ZRANB3: variants seen among roughly 807,000 people sequenced by gnomAD.
ZRANB3 encodes DNA annealing helicase and endonuclease ZRANB3.
ZRANB3 carries 125 observed loss-of-function variants against 133.8 expected under a neutral mutation model. The observed-to-expected ratio is 0.93, with a 90% confidence interval of 0.81 to 1.08. The LOEUF is 1.08. Among genes scored for constraint, ZRANB3 ranks in the 50% least tolerant of loss-of-function variants. The pLI, the probability that ZRANB3 is intolerant of heterozygous loss-of-function variation, is 0.00. For missense variants in ZRANB3, 1,229 were observed against 1,275.5 expected (o/e 0.96, Z 0.56); for synonymous variants, 387 against 432.7 (o/e 0.89, Z 1.31).
At chr2:135,331,451 T>C (rs1182616112) in intron 6 of ZRANB3, among the ~76,000 whole-genome samples, 1 of 152,188 alleles carries the variant, frequency 6.6e-6, no homozygotes, top group African/African-American at 2.4e-5. Flanking sequence ...TTCTTTTACA[T>C]TTGCTGAGGA....
At chr2:135,209,587 A>G (rs1320269563) in intron 17 of ZRANB3, among the ~76,000 whole-genome samples, 3 of 152,220 alleles carry the variant, frequency 2.0e-5, no homozygotes, top group African/African-American at 4.8e-5. Flanking sequence ...CTTATTACCC[A>G]ACACTAACAA....
At chr2:135,401,408 G>A (rs1462404862) in intron 2 of ZRANB3, among the ~76,000 whole-genome samples, 1 of 152,036 alleles carries the variant, frequency 6.6e-6, no homozygotes, top group Non-Finnish European at 1.5e-5. Flanking sequence ...GATAAAAACG[G>A]CCTTAGAAGT....
At chr2:135,366,986 A>G (rs1303654824) in intron 3 of ZRANB3, among the ~76,000 whole-genome samples, 1 of 152,062 alleles carries the variant, frequency 6.6e-6, no homozygotes, top group African/African-American at 2.4e-5. Flanking sequence ...ATGCCATTGC[A>G]CTCCAGCCTG....
At chr2:135,312,992 C>T (rs1443528969) in intron 8 of ZRANB3, among the ~76,000 whole-genome samples, 1 of 148,606 alleles carries the variant, frequency 6.7e-6, no homozygotes, top group Non-Finnish European at 1.5e-5. Flanking sequence ...TGCACACCAG[C>T]CTGGGCAAAA....
intron 1 of ZRANB3, among the ~76,000 whole-genome samples, chr2:135,525,848 CAAAAAAAA>C (rs557386914): frequency 1.5e-5 from 1 of 67,062 alleles, no homozygotes; most frequent in Admixed American, 1.5e-4. Context: ...AACTCTGTCT[CAAAAAAAA>C]AAAAAAAAAA....
intron 20 of ZRANB3, 103 bp from the exon 21 acceptor site, chr2:135,200,543 T>A: frequency 2.2e-6 from 2 of 922,462 alleles, no homozygotes; most frequent in Non-Finnish European, 3.3e-6. Flanking sequence ...CTACAGTCAC[T>A]ACACCCATTT....
intron 8 of ZRANB3, among the ~76,000 whole-genome samples, chr2:135,286,172 C>T (rs1242188364): frequency 6.6e-6 from 1 of 152,142 alleles, no homozygotes; most frequent in African/African-American, 2.4e-5. Context: ...GCACCCATCA[C>T]CTGGGCAGTG....
intron 8 of ZRANB3, among the ~76,000 whole-genome samples, chr2:135,287,336 T>C (rs1681427790): frequency 6.6e-6 from 1 of 152,232 alleles, no homozygotes; most frequent in African/African-American, 2.4e-5. Flanking sequence ...ACAGTACAGT[T>C]CAAAGTCATG....
chr2:135,448,872 G>A (rs192096279), intron 2 of ZRANB3, among the ~76,000 whole-genome samples: 113 of 152,292 alleles, frequency 7.4e-4, no homozygotes, highest in African/African-American at 2.6e-3. Flanking sequence ...AAAAATGGCT[G>A]CACCAATACT....
intron 16 of ZRANB3, among the ~76,000 whole-genome samples, 161 bp from the exon 17 acceptor site, chr2:135,217,768 T>G (rs1211525472): frequency 6.6e-6 from 1 of 152,222 alleles, no homozygotes; most frequent in Non-Finnish European, 1.5e-5. Flanking sequence ...GATGCAGTTT[T>G]CATATCTTTA....
At chr2:135,370,709 T>A (rs1686139165) in intron 3 of ZRANB3, among the ~76,000 whole-genome samples, 1 of 152,214 alleles carries the variant, frequency 6.6e-6, no homozygotes, top group African/African-American at 2.4e-5. Flanking sequence ...TTATGTATAT[T>A]CTCAGTTGTC....
At position 135,488,979 on chromosome 2, in the gene ZRANB3, G is replaced by T. The variant is rs182291445; in HGVS notation, c.161+15350C>A. Among the ~76,000 whole-genome samples the T allele has an allele frequency of 1.4e-3, 217 of 151,838 alleles. No homozygotes were observed. In the Middle Eastern group the frequency reaches 0.037, roughly 26 times the overall value. ...ATACAAAAATAGTGTCATATCAAAAGAAATCAATTACACACAAAAACAGTG... is the reference window on the plus strand; with the variant it reads ...ATACAAAAATAGTGTCATATCAAAATAAATCAATTACACACAAAAACAGTG... On this transcript the variant is annotated intron_variant, in intron 2 of 20. Coordinates refer to ENST00000264159, the MANE Select transcript of ZRANB3 (RefSeq NM_032143.4).
At chr2:135,248,220 T>C (rs546826518) in intron 12 of ZRANB3, among the ~76,000 whole-genome samples, 5 of 152,312 alleles carry the variant, frequency 3.3e-5, no homozygotes, top group South Asian at 4.1e-4. Context: ...TATCTGCTCA[T>C]TGGGTAGGTC....
At chr2:135,300,169 T>G (rs913872127) in intron 8 of ZRANB3, among the ~76,000 whole-genome samples, 3 of 152,216 alleles carry the variant, frequency 2.0e-5, no homozygotes, top group African/African-American at 7.2e-5. Flanking sequence ...ACTGCATACA[T>G]TTATGTATTT....
At chr2:135,258,818 G>A (rs1264009778) in intron 12 of ZRANB3, among the ~76,000 whole-genome samples, 1 of 152,160 alleles carries the variant, frequency 6.6e-6, no homozygotes, top group Non-Finnish European at 1.5e-5. Flanking sequence ...TTTTGGACAA[G>A]AGGGATTTAG....
chr2:135,424,132 C>CTA (rs1688973903), intron 2 of ZRANB3, among the ~76,000 whole-genome samples: 1 of 152,120 alleles, frequency 6.6e-6, no homozygotes, highest in East Asian at 1.9e-4. Flanking sequence ...GTCATTAGTA[C>CTA]CTTCAGAGAA....
intron 2 of ZRANB3, among the ~76,000 whole-genome samples, chr2:135,481,768 A>C (rs1488260700): frequency 6.6e-6 from 1 of 151,292 alleles, no homozygotes; most frequent in Non-Finnish European, 1.5e-5. Flanking sequence ...TTAAGTCTTT[A>C]ATCCATCTTG....
At chr2:135,310,192 C>T (rs149546709) in intron 8 of ZRANB3, among the ~76,000 whole-genome samples, 5 of 152,172 alleles carry the variant, frequency 3.3e-5, no homozygotes, top group Admixed American at 1.3e-4. Flanking sequence ...CTGCCTCGGC[C>T]TCCCAAAGTG....
intron 2 of ZRANB3, among the ~76,000 whole-genome samples, chr2:135,456,795 A>G (rs1383345012): frequency 2.0e-5 from 3 of 151,952 alleles, no homozygotes; most frequent in East Asian, 3.9e-4. Context: ...TCAAATTATC[A>G]CTCTACTGAC....
Sources: allele counts gnomAD v4.1 joint callset (sites outside exome capture counted in the v4.1 genomes callset), GRCh38; gene constraint gnomAD v4.1.1; transcripts MANE v1.5; gene names NCBI Gene and HGNC (gene_info 2026-07-23, HGNC 2026-07-21).